DSCAM: variants seen among roughly 807,000 people sequenced by gnomAD.
The protein encoded by DSCAM is DS cell adhesion molecule.
In DSCAM, 47 loss-of-function variants were observed where a neutral mutation model predicts 217.7. The observed-to-expected ratio is 0.22, with a 90% CI of 0.17 to 0.28. The LOEUF (loss-of-function observed/expected upper bound fraction) is 0.28. Among genes scored for constraint, DSCAM ranks in the 10% least tolerant of loss-of-function variants. DSCAM has a pLI of 1.00. For synonymous variants in DSCAM, 1,056 were observed against 1,015.3 expected (o/e 1.04, Z -0.76); for missense variants, 2,080 against 2,618.3 (o/e 0.79, Z 4.49).
intron 10 of DSCAM, among the ~76,000 whole-genome samples, chr21:40,277,745 T>G (rs535241036): frequency 1.3e-3 from 196 of 150,788 alleles, no homozygotes; most frequent in African/African-American, 4.5e-3. Context: ...GTGATTCTCC[T>G]GCTAATCCCA....
intron 20 of DSCAM, among the ~76,000 whole-genome samples, chr21:40,102,583 C>T (rs956385071): frequency 6.6e-6 from 1 of 152,188 alleles, no homozygotes; most frequent in Non-Finnish European, 1.5e-5. Context: ...CTTCATTCCA[C>T]AATTATTGTT....
At chr21:40,611,177 G>A (rs1281343880) in intron 3 of DSCAM, among the ~76,000 whole-genome samples, 1 of 150,072 alleles carries the variant, frequency 6.7e-6, no homozygotes, top group Non-Finnish European at 1.5e-5. Flanking sequence ...TCCTGCCTCA[G>A]CCTCCCGGGT....
rs1023285994 is a variant in DSCAM at position 40,361,674 on chromosome 21, T to G, written c.655+7425A>C. Among the ~76,000 whole-genome samples, 9 of 152,178 alleles carry G rather than the reference T, an allele frequency of 5.9e-5. 1 individual carries two copies. Among genetic ancestry groups the G allele is most frequent in the Admixed American group, 1.3e-4 (2 of 15,270 alleles). ...CAAAAAACAAAAAAGGGAAGCTATG[T>G]CATTTTATCATTACATGACTAGCAT... is the stretch of plus-strand genomic sequence containing the variant. On this transcript the variant is annotated intron_variant, in intron 4 of 32. Coordinates refer to ENST00000400454, the MANE Select transcript of DSCAM (RefSeq NM_001389.5).
intron 3 of DSCAM, among the ~76,000 whole-genome samples, chr21:40,645,491 C>T (rs1198050322): frequency 6.6e-6 from 1 of 151,968 alleles, no homozygotes; most frequent in Non-Finnish European, 1.5e-5. Context: ...TTTGTGGAAT[C>T]ATGTGATGCT....
Position 40,044,035 on chromosome 21 carries a change from C to T in DSCAM, c.5383+43G>A, listed in dbSNP as rs201625406. ...CCCATGAAGCTCAAGGTGCGGGGGC[C>T]GTGCTGGTCCCCAGGGACGGAGGAG... On this transcript the variant is annotated intron_variant, in intron 31 of 32. Coordinates refer to ENST00000400454, the MANE Select transcript of DSCAM (RefSeq NM_001389.5). The T allele has an allele frequency of 9.7e-5, 156 of 1,606,314 alleles. No individual in the cohort carries two copies. In the African/African-American group the frequency reaches 1.1e-3, roughly 12 times the overall value.
rs544918303 is a variant in DSCAM, at chr21:40,305,872, G to T, written c.2062+6209C>A. Among the ~76,000 whole-genome samples, 275 of 152,302 alleles carry T rather than the reference G, an allele frequency of 1.8e-3. 1 individual carries two copies. The highest frequency in any genetic ancestry group is 6.4e-3 in the African/African-American group (265 of 41,560). On this transcript the variant is annotated intron_variant, in intron 9 of 32. Coordinates refer to ENST00000400454, the MANE Select transcript of DSCAM (RefSeq NM_001389.5). Reference sequence around the variant, plus strand: ...TTGTAGTATAGTTTGAAGTCAGGTAGCATGATGCCTCCAGCTTTGTTCTTT... The same window carrying T: ...TTGTAGTATAGTTTGAAGTCAGGTATCATGATGCCTCCAGCTTTGTTCTTT...
intron 1 of DSCAM, among the ~76,000 whole-genome samples, chr21:40,715,357 T>C (rs1391121020): frequency 6.6e-6 from 1 of 152,206 alleles, no homozygotes; most frequent in Non-Finnish European, 1.5e-5. Context: ...TTGGTCTCCA[T>C]CACTGGCAGA....
At chr21:40,565,184 T>G (rs115155210) in intron 3 of DSCAM, among the ~76,000 whole-genome samples, 1,976 of 152,312 alleles carry the variant, frequency 0.013, 34 homozygotes, top group African/African-American at 0.044. Context: ...CCATGGCTAC[T>G]GGGTGTCTAT....
intron 10 of DSCAM, 145 bp from the exon 11 acceptor site, chr21:40,276,415 TTTCCTCCAGTATTAAAA>T (rs1483813153): frequency 1.7e-5 from 10 of 575,620 alleles, no homozygotes; most frequent in Non-Finnish European, 2.7e-5. Flanking sequence ...TTTTTCTTTC[TTTCCTCCAGTATTAAAA>T]TTCTTGTTTA....
chr21:40,593,969 G>T (rs536360889), intron 3 of DSCAM, among the ~76,000 whole-genome samples: 9 of 152,110 alleles, frequency 5.9e-5, no homozygotes, highest in African/African-American at 1.7e-4. Flanking sequence ...AGCATATTTT[G>T]TTGTTGTTGT....
chr21:40,563,229 G>A (rs2076734654), intron 3 of DSCAM, among the ~76,000 whole-genome samples: 1 of 152,104 alleles, frequency 6.6e-6, no homozygotes, highest in Middle Eastern at 3.4e-3. Context: ...TGAAAGTCAT[G>A]CAACTGGTTA....
chr21:40,386,530 CA>C (rs1372617301), intron 3 of DSCAM, among the ~76,000 whole-genome samples: 1 of 152,192 alleles, frequency 6.6e-6, no homozygotes, highest in East Asian at 1.9e-4. Context: ...CAGCGTGGCA[CA>C]GAGAGCTCCA....
intron 6 of DSCAM, among the ~76,000 whole-genome samples, chr21:40,345,363 G>C (rs778341787): frequency 6.6e-6 from 1 of 152,072 alleles, no homozygotes; most frequent in Non-Finnish European, 1.5e-5. Flanking sequence ...TGTCCTCAGT[G>C]GAAGAGGACA....
intron 3 of DSCAM, among the ~76,000 whole-genome samples, chr21:40,545,699 A>G (rs553599034): frequency 6.6e-6 from 1 of 152,308 alleles, no homozygotes; most frequent in South Asian, 2.1e-4. Flanking sequence ...ATCCCAGCAC[A>G]CTGCAGGCAT....
At chr21:40,102,090 A>AAAG (rs2089759404) in intron 20 of DSCAM, among the ~76,000 whole-genome samples, 1 of 139,616 alleles carries the variant, frequency 7.2e-6, no homozygotes, top group African/African-American at 2.8e-5. Context: ...AGCTTGGCAA[A>AAAG]CAGATTAATT....
At chr21:40,158,588 G>A (rs1350003632) in intron 16 of DSCAM, among the ~76,000 whole-genome samples, 2 of 152,078 alleles carry the variant, frequency 1.3e-5, no homozygotes, top group East Asian at 3.9e-4. Flanking sequence ...GATTCCACAC[G>A]GGCCCACGGG....
At chr21:40,442,704 G>A (rs1047094827) in intron 3 of DSCAM, among the ~76,000 whole-genome samples, 3 of 151,780 alleles carry the variant, frequency 2.0e-5, no homozygotes, top group Non-Finnish European at 4.4e-5. Flanking sequence ...TAAAGACGGG[G>A]TTTCACCATA....
intron 6 of DSCAM, among the ~76,000 whole-genome samples, chr21:40,341,556 C>G (rs1170752459): frequency 6.6e-6 from 1 of 152,200 alleles, no homozygotes; most frequent in East Asian, 1.9e-4. Context: ...AGATATAAAA[C>G]ATTTCCATTA....
At chr21:40,808,330 A>T (rs2091806524) in intron 1 of DSCAM, among the ~76,000 whole-genome samples, 3 of 152,312 alleles carry the variant, frequency 2.0e-5, no homozygotes, top group African/African-American at 4.8e-5. Context: ...TCACAAAAAA[A>T]TGAAAAGAAG....
Sources: allele counts gnomAD v4.1 joint callset (sites outside exome capture counted in the v4.1 genomes callset), GRCh38; gene constraint gnomAD v4.1.1; transcripts MANE v1.5; gene names NCBI Gene and HGNC (gene_info 2026-07-23, HGNC 2026-07-21).